PLEKHH1: variants seen among roughly 807,000 people sequenced by gnomAD.
PLEKHH1 encodes pleckstrin homology domain-containing family H member 1.
Under a neutral mutation model 160.0 loss-of-function variants are expected in PLEKHH1, and 104 were observed. The ratio of observed to expected loss-of-function variants is 0.65; its 90% CI spans 0.55 to 0.76. The LOEUF (loss-of-function observed/expected upper bound fraction) is 0.76. Among genes scored for constraint, PLEKHH1 ranks in the 30% least tolerant of loss-of-function variants. The probability of loss-of-function intolerance (pLI) is 0.00; values close to 1 mark genes in which losing one functional copy is unlikely to be tolerated. For synonymous variants in PLEKHH1, 619 were observed against 678.4 expected (o/e 0.91, Z 1.36); for missense variants, 1,427 against 1,724.1 (o/e 0.83, Z 3.05).
intron 1 of PLEKHH1, among the ~76,000 whole-genome samples, chr14:67,534,911 T>C (rs2033642333): frequency 6.6e-6 from 1 of 152,246 alleles, no homozygotes; most frequent in African/African-American, 2.4e-5. Context: ...GTGTACATCA[T>C]TGAATATTCA....
chr14:67,544,658 C>T (rs1006633139), intron 2 of PLEKHH1, among the ~76,000 whole-genome samples: 1 of 152,170 alleles, frequency 6.6e-6, no homozygotes, highest in Non-Finnish European at 1.5e-5. Context: ...GAACAAGACA[C>T]TACCTAAAAA....
chr14:67,586,677 T>G (rs1438633654), intron 28 of PLEKHH1: 1 of 545,916 alleles, frequency 1.8e-6, no homozygotes, highest in Admixed American at 3.6e-5. Context: ...TGTGATTAAC[T>G]GGAAACCCTG....
rs890492813 is a variant in PLEKHH1 at position 67,578,119 on chromosome 14, C to T, written c.2671C>T (p.Pro891Ser). The change falls in exon 19 of 29, where the codon CCC becomes TCC. Residue 891 changes from proline (P) to serine (S), a missense_variant. Pro to Ser is a moderately conservative substitution (Grantham distance 74). Coordinates refer to ENST00000329153, the MANE Select transcript of PLEKHH1 (RefSeq NM_020715.3). The surrounding 1 kb of genome is among the most constrained non-coding windows in gnomAD (Gnocchi z 5.0). ...CGCACTGCAGGTCTGCCTGGTTCAC[C>T]CCGAGCTGCAGAGTGAGATCTACTG... Reference protein sequence around the residue: ...QTALQVCLVHPELQSEIYCQL... With the variant: ...QTALQVCLVHSELQSEIYCQL... 8 of 1,613,720 alleles carry T rather than the reference C, an allele frequency of 5.0e-6. No individual in the cohort carries two copies. The highest frequency in any genetic ancestry group is 6.8e-6 in the Non-Finnish European group (8 of 1,179,834).
rs769016495 is a variant in PLEKHH1, at chr14:67,562,857, AGCCACCTACACCCCC to A, written c.1229_1243del (p.Pro410_Pro414del). 1 of 1,613,492 alleles carries A rather than the reference AGCCACCTACACCCCC, an allele frequency of 6.2e-7. No individual in the cohort carries two copies. Among genetic ancestry groups the A allele is most frequent in the East Asian group, 2.2e-5 (1 of 44,872 alleles). ...CTGGAGGAAGTGGAGCTGGGTAACA[AGCCACCTACACCCCC>A]GCTGCACCAGTTTTCATCCTGGGTA... is the stretch of plus-strand genomic sequence containing the variant. On this transcript the variant is annotated inframe_deletion, in exon 7 of 29. Coordinates refer to ENST00000329153, the MANE Select transcript of PLEKHH1 (RefSeq NM_020715.3).
chr14:67,566,170 G>A (rs1431819599), intron 7 of PLEKHH1, among the ~76,000 whole-genome samples: 1 of 152,144 alleles, frequency 6.6e-6, no homozygotes, highest in Non-Finnish European at 1.5e-5. Flanking sequence ...AGACTTTTGG[G>A]CTATATCCTT....
At chr14:67,548,127 C>G (rs1364339308) in intron 2 of PLEKHH1, among the ~76,000 whole-genome samples, 1 of 152,186 alleles carries the variant, frequency 6.6e-6, no homozygotes, top group Non-Finnish European at 1.5e-5. Context: ...GCTAGAGAAG[C>G]CACAAAGGCT....
chr14:67,577,440 A>T, intron 18 of PLEKHH1, 26 bp downstream of exon 18: 3 of 1,386,508 alleles, frequency 2.2e-6, no homozygotes, highest in Non-Finnish European at 3.0e-6. Context: ...GGCCAGGCCC[A>T]CCGCTGGGAT....
At chr14:67,554,294 G>T (rs2034509308) in intron 2 of PLEKHH1, among the ~76,000 whole-genome samples, 1 of 152,208 alleles carries the variant, frequency 6.6e-6, no homozygotes, top group South Asian at 2.1e-4. Flanking sequence ...GATTGGGAAA[G>T]AGAGAAGGAT....
chr14:67,571,442 G>A (rs1294807832), intron 9 of PLEKHH1: 1 of 289,644 alleles, frequency 3.5e-6, no homozygotes, highest in African/African-American at 2.1e-5. Flanking sequence ...GGCACACTTA[G>A]TCTGTGGTGT....
chr14:67,576,464 C>T lies in PLEKHH1; in HGVS notation c.2422C>T (p.Gln808Ter). ...TGCCAAGGTGGGCACTGCCTATGAGCAGCTCATTGGAAAACTGATGGATGG... is the reference window on the plus strand; with the variant it reads ...TGCCAAGGTGGGCACTGCCTATGAGTAGCTCATTGGAAAACTGATGGATGG... ...SSAKVGTAYE[Q>*]LIGKLMDGEG... The change falls in exon 17 of 29, where the codon CAG becomes TAG. Residue 808 changes from glutamine (Q) to a stop codon, truncating the protein, a stop_gained. Coordinates refer to ENST00000329153, the MANE Select transcript of PLEKHH1 (RefSeq NM_020715.3). LOFTEE classifies it high-confidence loss of function. The surrounding 1 kb of genome is among the most constrained non-coding windows in gnomAD (Gnocchi z 4.0). 6.2e-7 allele frequency: 1 copy of T among 1,607,080 alleles called. No homozygotes were observed. Among genetic ancestry groups the T allele is most frequent in the Non-Finnish European group, 8.5e-7 (1 of 1,173,638 alleles).
In PLEKHH1 at chr14:67,579,294, A is replaced by C; in HGVS notation, c.3010A>C (p.Thr1004Pro). The C allele has an allele frequency of 6.5e-7, 1 of 1,542,422 alleles. No homozygotes were observed. The highest frequency in any genetic ancestry group is 8.7e-7 in the Non-Finnish European group (1 of 1,148,010). The change falls in exon 21 of 29, where the codon ACC (threonine) becomes CCC (proline). Residue 1004 changes from threonine (T) to proline (P), a missense_variant. Coordinates refer to ENST00000329153, the MANE Select transcript of PLEKHH1 (RefSeq NM_020715.3). ...GCCCTTCAGCATCCCCGTGCACTTT[A>C]CCAACGGGACTTACCATGTGAGGAG... ...SLPFSIPVHF[T>P]NGTYHVVGFD...
At chr14:67,563,434 TG>T (rs1392364423) in intron 7 of PLEKHH1, among the ~76,000 whole-genome samples, 1 of 146,884 alleles carries the variant, frequency 6.8e-6, no homozygotes, top group South Asian at 2.2e-4. Context: ...TTCTTTTTTT[TG>T]GGGGGTGGGG....
At chr14:67,549,131 A>C (rs2034293196) in intron 2 of PLEKHH1, among the ~76,000 whole-genome samples, 1 of 152,166 alleles carries the variant, frequency 6.6e-6, no homozygotes, top group Admixed American at 6.5e-5. Context: ...AAGTATGTTG[A>C]AGTTTGCATA....
At chr14:67,565,000 A>C (rs1168259879) in intron 7 of PLEKHH1, among the ~76,000 whole-genome samples, 1 of 152,090 alleles carries the variant, frequency 6.6e-6, no homozygotes, top group Non-Finnish European at 1.5e-5. Flanking sequence ...CCTGTACCTG[A>C]CATTTTCCAT....
chr14:67,535,370 C>CTTTTT lies in PLEKHH1; in HGVS notation c.-35+1996_-35+2000dup, dbSNP rs71129833. On this transcript the variant is annotated intron_variant, in intron 1 of 28. Coordinates refer to ENST00000329153, the MANE Select transcript of PLEKHH1 (RefSeq NM_020715.3). ...GAGTTAGATCTGGTAGTGAGCACAT[C>CTTTTT]TTTTTTTTTTTTTTTTTTTTTTTTT... Among the ~76,000 whole-genome samples, 52 of 74,230 alleles carry CTTTTT rather than the reference C, an allele frequency of 7.0e-4. 7 individuals are homozygous for CTTTTT. Among genetic ancestry groups the CTTTTT allele is most frequent in the African/African-American group, 1.8e-3 (30 of 16,518 alleles). 48.7% of individuals were successfully genotyped at this position (74,230 alleles called of 152,430 possible). A position where few individuals can be genotyped will look rare whatever the true frequency, so the allele number is the denominator to read the frequency against.
At position 67,577,298 on chromosome 14, in the gene PLEKHH1, G is replaced by C; in HGVS notation, c.2462-4G>C. The C allele has an allele frequency of 6.4e-7, 1 of 1,556,012 alleles. No individual in the cohort carries two copies. Among genetic ancestry groups the C allele is most frequent in the Non-Finnish European group, 8.7e-7 (1 of 1,149,644 alleles). On this transcript the variant is annotated splice_region_variant and splice_polypyrimidine_tract_variant and intron_variant, in intron 17 of 28. Coordinates refer to ENST00000329153, the MANE Select transcript of PLEKHH1 (RefSeq NM_020715.3). ...CTTGCTCTCTGGTTCCGTGCTTTGGGCAGATTCGCCGCTCTGGAGGCACCC... is the reference window on the plus strand; with the variant it reads ...CTTGCTCTCTGGTTCCGTGCTTTGGCCAGATTCGCCGCTCTGGAGGCACCC...
intron 11 of PLEKHH1, among the ~76,000 whole-genome samples, chr14:67,572,729 A>G (rs951958057): frequency 6.6e-6 from 1 of 152,134 alleles, no homozygotes; most frequent in Non-Finnish European, 1.5e-5. Context: ...AAGCTGTGCC[A>G]CTACATGCCA....
chr14:67,536,836 A>G (rs984746513), intron 1 of PLEKHH1, among the ~76,000 whole-genome samples: 6 of 151,822 alleles, frequency 4.0e-5, no homozygotes, highest in African/African-American at 1.5e-4. Flanking sequence ...TGAGGTCAGG[A>G]GTTTGACCAG....
At chr14:67,564,985 C>G (rs978008904) in intron 7 of PLEKHH1, among the ~76,000 whole-genome samples, 1 of 152,148 alleles carries the variant, frequency 6.6e-6, no homozygotes, top group Non-Finnish European at 1.5e-5. Context: ...GCCACTGTGT[C>G]TGGCCCTGTA....
Sources: allele counts gnomAD v4.1 joint callset (sites outside exome capture counted in the v4.1 genomes callset), GRCh38; gene constraint gnomAD v4.1.1; non-coding constraint Gnocchi (gnomAD v3.1); transcripts MANE v1.5; gene names NCBI Gene and HGNC (gene_info 2026-07-23, HGNC 2026-07-21).